The following GNAQ variants were observed in gnomAD, a reference collection of about 807,000 sequenced individuals.
The protein encoded by GNAQ is G protein subunit alpha q.
GNAQ carries 8 observed loss-of-function variants against 43.9 expected under a neutral mutation model. The ratio of observed to expected loss-of-function variants is 0.18; its 90% CI spans 0.11 to 0.33. GNAQ has a LOEUF of 0.33. Among genes scored for constraint, GNAQ ranks in the 10% least tolerant of loss-of-function variants. GNAQ has a pLI of 1.00. For synonymous variants in GNAQ, 155 were observed against 170.7 expected (o/e 0.91, Z 0.71); for missense variants, 158 against 450.8 (o/e 0.35, Z 5.88).
intron 1 of GNAQ, among the ~76,000 whole-genome samples, chr9:77,976,449 A>G (rs569369038): frequency 6.6e-6 from 1 of 152,152 alleles, no homozygotes; most frequent in East Asian, 1.9e-4. Context: ...CTGGAGTGCA[A>G]TGGCACGATC....
At chr9:77,819,027 A>C (rs1401987379) in intron 2 of GNAQ, among the ~76,000 whole-genome samples, 2 of 140,490 alleles carry the variant, frequency 1.4e-5, no homozygotes, top group African/African-American at 5.0e-5. Context: ...AAAAAAAAAA[A>C]AACACCCAAA....
chr9:77,785,873 GGACA>G (rs1826468737), intron 5 of GNAQ, among the ~76,000 whole-genome samples: 2 of 151,984 alleles, frequency 1.3e-5, no homozygotes, highest in Non-Finnish European at 2.9e-5. Flanking sequence ...GAAGAGTAAA[GGACA>G]GACAATAACC....
intron 2 of GNAQ, among the ~76,000 whole-genome samples, chr9:77,825,312 T>C (rs905783372): frequency 6.6e-6 from 1 of 150,594 alleles, no homozygotes; most frequent in African/African-American, 2.4e-5. Flanking sequence ...GCAAAATCTT[T>C]CATACCTCCA....
chr9:77,902,020 A>G (rs1168916446), intron 2 of GNAQ, among the ~76,000 whole-genome samples: 1 of 152,134 alleles, frequency 6.6e-6, no homozygotes, highest in African/African-American at 2.4e-5. Flanking sequence ...TCCCAATACC[A>G]TCACCTTAGG....
At chr9:77,788,108 G>A (rs920312662) in intron 5 of GNAQ, among the ~76,000 whole-genome samples, 1 of 152,136 alleles carries the variant, frequency 6.6e-6, no homozygotes, top group African/African-American at 2.4e-5. Flanking sequence ...GACAAACCAT[G>A]TAGTGACAGA....
In GNAQ at chr9:78,011,925, GAAA is replaced by G. The variant is rs1823776723; in HGVS notation, c.136+19172_136+19174del. Among the ~76,000 whole-genome samples the G allele has an allele frequency of 2.0e-5, 3 of 152,284 alleles. No individual in the cohort carries two copies. The South Asian group carries it at 6.2e-4, about 32-fold the overall frequency. ...ATAAAATAGGCAAGATCCTTGAAAT[GAAA>G]GAATATTATAGAGATGGAGTGGGTT... On this transcript the variant is annotated intron_variant, in intron 1 of 6. Coordinates refer to ENST00000286548, the MANE Select transcript of GNAQ (RefSeq NM_002072.5).
chr9:77,976,033 C>G (rs1275069617), intron 1 of GNAQ, among the ~76,000 whole-genome samples: 1 of 152,120 alleles, frequency 6.6e-6, no homozygotes, highest in Non-Finnish European at 1.5e-5. Context: ...ACTGATAAGG[C>G]TTCTATGTTA....
chr9:77,870,324 G>GTTTTTT (rs781464413), intron 2 of GNAQ, among the ~76,000 whole-genome samples: 14 of 111,110 alleles, frequency 1.3e-4, no homozygotes, highest in East Asian at 1.1e-3. Flanking sequence ...TTTGGTGCTA[G>GTTTTTT]TTTTTTTTTT....
At chr9:77,814,991 A>G (rs1826989286) in intron 3 of GNAQ, among the ~76,000 whole-genome samples, 1 of 152,232 alleles carries the variant, frequency 6.6e-6, no homozygotes, top group Admixed American at 6.5e-5. Flanking sequence ...ATAGATTTCT[A>G]GGATGTAAAT....
At chr9:77,735,103 G>T (rs982277904) in intron 5 of GNAQ, among the ~76,000 whole-genome samples, 2 of 152,108 alleles carry the variant, frequency 1.3e-5, no homozygotes, top group Non-Finnish European at 2.9e-5. Context: ...AAAAAAGACT[G>T]TCAGAATATA....
intron 5 of GNAQ, among the ~76,000 whole-genome samples, chr9:77,760,093 T>C (rs1219211106): frequency 2.0e-5 from 3 of 150,576 alleles, no homozygotes; most frequent in Non-Finnish European, 4.4e-5. Context: ...TGAGGTGAAA[T>C]TCACCAAATA....
chr9:77,812,134 G>A (rs1826938068), intron 3 of GNAQ, among the ~76,000 whole-genome samples: 1 of 152,136 alleles, frequency 6.6e-6, no homozygotes, highest in African/African-American at 2.4e-5. Flanking sequence ...GAATGCCAAT[G>A]TAGACCAACT....
At chr9:77,892,852 T>A (rs1373724809) in intron 2 of GNAQ, among the ~76,000 whole-genome samples, 1 of 152,200 alleles carries the variant, frequency 6.6e-6, no homozygotes, top group Non-Finnish European at 1.5e-5. Context: ...CTTGTCATGT[T>A]TGGTAAACAA....
At chr9:77,771,912 A>C (rs1182305159) in intron 5 of GNAQ, among the ~76,000 whole-genome samples, 1 of 138,208 alleles carries the variant, frequency 7.2e-6, no homozygotes. Context: ...CAAAAACAAC[A>C]AAAAAAAACC....
At chr9:77,844,807 G>C (rs1262900789) in intron 2 of GNAQ, among the ~76,000 whole-genome samples, 1 of 151,888 alleles carries the variant, frequency 6.6e-6, no homozygotes, top group Admixed American at 6.6e-5. Context: ...CGAGTAGCTG[G>C]GATTACAGGT....
chr9:77,716,209 T>C lies in GNAQ; in HGVS notation c.*5114A>G, dbSNP rs1825225665. The C allele has an allele frequency of 4.7e-6, 1 of 212,414 alleles. No homozygotes were observed. The highest frequency in any genetic ancestry group is 9.5e-6 in the Non-Finnish European group (1 of 105,052). 13.2% of individuals were successfully genotyped at this position (212,414 alleles called of 1,614,324 possible). A position where few individuals can be genotyped will look rare whatever the true frequency, so the allele number is the denominator to read the frequency against. On this transcript the variant is annotated 3_prime_UTR_variant, in exon 7 of 7. Transcript: ENST00000286548. ...GTACTCCTACTAATACAAAACATTC[T>C]GAGAGGGGCTCGGGCAACTTTAATG...
intron 2 of GNAQ, among the ~76,000 whole-genome samples, chr9:77,914,530 C>T (rs951214014): frequency 3.3e-5 from 5 of 152,166 alleles, no homozygotes; most frequent in South Asian, 4.2e-4. Context: ...GGCATGGTGG[C>T]GCATGCCTGT....
At chr9:77,933,324 C>T (rs1453451148) in intron 1 of GNAQ, among the ~76,000 whole-genome samples, 1 of 152,122 alleles carries the variant, frequency 6.6e-6, no homozygotes, top group Non-Finnish European at 1.5e-5. Flanking sequence ...TTGTTGGTCT[C>T]TAAGTTCCAC....
intron 1 of GNAQ, among the ~76,000 whole-genome samples, chr9:77,959,979 G>A (rs1171648546): frequency 1.3e-5 from 2 of 152,166 alleles, no homozygotes; most frequent in East Asian, 1.9e-4. Flanking sequence ...TCTATCCTCT[G>A]AAAGAAGGAT....
Sources: gnomAD v4.1 joint callset for allele counts (sites outside exome capture counted in the v4.1 genomes callset) on GRCh38, gnomAD v4.1.1 for gene constraint, MANE v1.5 for transcripts, NCBI Gene and HGNC (gene_info 2026-07-23, HGNC 2026-07-21) for gene names.